NCOA1: variants seen among roughly 807,000 people sequenced by gnomAD.
The protein encoded by NCOA1 is Hin-2 protein.
In NCOA1, 35 loss-of-function variants were observed where a neutral mutation model predicts 150.9. The ratio of observed to expected loss-of-function variants is 0.23; its 90% confidence interval spans 0.18 to 0.31. The LOEUF (loss-of-function observed/expected upper bound fraction) is 0.31. Among genes scored for constraint, NCOA1 ranks in the 10% least tolerant of loss-of-function variants. The pLI, the probability that NCOA1 is intolerant of heterozygous loss-of-function variation, is 1.00. For synonymous variants in NCOA1, 590 were observed against 630.0 expected (o/e 0.94, Z 0.95); for missense variants, 1,491 against 1,749.3 (o/e 0.85, Z 2.63).
intron 3 of NCOA1, among the ~76,000 whole-genome samples, chr2:24,627,508 A>G (rs946431317): frequency 3.3e-5 from 5 of 152,254 alleles, no homozygotes; most frequent in East Asian, 1.9e-4. Flanking sequence ...GAACCTGCAC[A>G]TAGAAAAAAT....
chr2:24,711,252 T>C (rs1206735928), intron 14 of NCOA1, 141 bp downstream of exon 14: 3 of 789,778 alleles, frequency 3.8e-6, no homozygotes, highest in Non-Finnish European at 5.6e-6. Flanking sequence ...AATAAAACAG[T>C]TATATTTAGG....
chr2:24,710,943 C>CTTGACCAGT lies in NCOA1; in HGVS notation c.2436_2444dup (p.Phe814_Gln816dup). 1 of 1,613,672 alleles carries CTTGACCAGT rather than the reference C, an allele frequency of 6.2e-7. No individual in the cohort carries two copies. Among genetic ancestry groups the CTTGACCAGT allele is most frequent in the East Asian group, 2.2e-5 (1 of 44,852 alleles). Reference sequence around the variant, plus strand: ...TTTCCATTCTTAGTTTACAGCTGACCTTGACCAGTTTGATCAGTTACTGCC... The same window carrying CTTGACCAGT: ...TTTCCATTCTTAGTTTACAGCTGACCTTGACCAGTTTGACCAGTTTGATCAGTTACTGCC... On this transcript the variant is annotated inframe_insertion, in exon 14 of 23. Transcript: ENST00000348332.
At chr2:24,568,693 T>A (rs1481654907) in intron 2 of NCOA1, among the ~76,000 whole-genome samples, 1 of 152,244 alleles carries the variant, frequency 6.6e-6, no homozygotes, top group Non-Finnish European at 1.5e-5. Flanking sequence ...GAGAAGCTTG[T>A]AAAACCAGTT....
intron 1 of NCOA1, among the ~76,000 whole-genome samples, 56 bp downstream of exon 1, chr2:24,491,658 G>A (rs1662964135): frequency 6.7e-6 from 1 of 150,288 alleles, no homozygotes; most frequent in South Asian, 2.1e-4. Context: ...GTCACGAGCC[G>A]CGCGGCCGCG....
At chr2:24,584,952 G>T (rs1490759457) in intron 3 of NCOA1, among the ~76,000 whole-genome samples, 1 of 152,168 alleles carries the variant, frequency 6.6e-6, no homozygotes, top group African/African-American at 2.4e-5. Flanking sequence ...GTTCAAAATG[G>T]TATGTGACTT....
intron 22 of NCOA1, among the ~76,000 whole-genome samples, chr2:24,765,091 C>T (rs968229378): frequency 1.4e-5 from 2 of 147,626 alleles, no homozygotes; most frequent in South Asian, 2.2e-4. Flanking sequence ...ACAGGAGAAT[C>T]GCTTGAACCC....
At chr2:24,565,257 G>T (rs1447121483) in intron 2 of NCOA1, among the ~76,000 whole-genome samples, 1 of 152,162 alleles carries the variant, frequency 6.6e-6, no homozygotes, top group African/African-American at 2.4e-5. Context: ...TTCCAAACAG[G>T]TAGAGTGAGT....
chr2:24,739,486 G>A lies in NCOA1; in HGVS notation c.3256G>A (p.Val1086Ile). Residue 1086 changes from valine to isoleucine, a missense_variant, in exon 18 of 23, where the codon GTT becomes ATT. This residue lies in a region of NCOA1 where 485 missense variants were observed against 522.8 expected (regional missense o/e 0.93). Coordinates refer to ENST00000348332, the MANE Select transcript of NCOA1 (RefSeq NM_003743.5). ...AAACCAGTTTGCAGCAACTGCTCCT[G>A]TTGGCATCAATATGAGATCAGGCAT... ...ILNQFAATAP[V>I]GINMRSGMQQ... 1 of 1,613,932 alleles carries A rather than the reference G, an allele frequency of 6.2e-7. No homozygotes were observed. The highest frequency in any genetic ancestry group is 8.5e-7 in the Non-Finnish European group (1 of 1,179,854).
At chr2:24,584,101 C>T (rs1200185648) in intron 2 of NCOA1, among the ~76,000 whole-genome samples, 3 of 151,834 alleles carry the variant, frequency 2.0e-5, no homozygotes, top group Non-Finnish European at 4.4e-5. Context: ...ATGCCATTAC[C>T]CTGATTTGAT....
chr2:24,518,713 A>G (rs1664304487), intron 1 of NCOA1, among the ~76,000 whole-genome samples: 3 of 152,332 alleles, frequency 2.0e-5, no homozygotes, highest in Middle Eastern at 6.8e-3. Flanking sequence ...ATAAAAATTA[A>G]TGCCATGTAT....
intron 2 of NCOA1, among the ~76,000 whole-genome samples, chr2:24,573,359 A>G (rs2148286213): frequency 6.6e-6 from 1 of 152,184 alleles, no homozygotes; most frequent in South Asian, 2.1e-4. Flanking sequence ...GAGAATTTTT[A>G]ACATTTCTTG....
At chr2:24,648,166 A>G (rs1670559062) in intron 4 of NCOA1, among the ~76,000 whole-genome samples, 1 of 152,228 alleles carries the variant, frequency 6.6e-6, no homozygotes, top group South Asian at 2.1e-4. Context: ...GATATCAATA[A>G]AATATTGCCG....
chr2:24,715,005 G>A (rs773892925), intron 14 of NCOA1, among the ~76,000 whole-genome samples: 1 of 151,850 alleles, frequency 6.6e-6, no homozygotes, highest in Non-Finnish European at 1.5e-5. Flanking sequence ...ATGACACAGA[G>A]ATGAAAAAAG....
intron 8 of NCOA1, among the ~76,000 whole-genome samples, chr2:24,687,515 G>T (rs186969525): frequency 5.3e-5 from 8 of 152,162 alleles, no homozygotes; most frequent in Non-Finnish European, 1.0e-4. Context: ...CTGAGACTGG[G>T]GTAATTTATA....
intron 17 of NCOA1, 134 bp from the exon 18 acceptor site, chr2:24,739,298 A>T: frequency 1.6e-6 from 1 of 637,120 alleles, no homozygotes; most frequent in Non-Finnish European, 2.7e-6. Context: ...TTGGAAAATA[A>T]ACATAGGAAA....
rs1354904607 is a variant in NCOA1, at chr2:24,578,699, G to C, written c.-259-5777G>C. Among the ~76,000 whole-genome samples the C allele has an allele frequency of 3.3e-5, 5 of 152,218 alleles. No individual in the cohort carries two copies. The East Asian group carries it at 9.6e-4, about 29-fold the overall frequency. On this transcript the variant is annotated intron_variant, in intron 2 of 22. Coordinates refer to ENST00000348332, the MANE Select transcript of NCOA1 (RefSeq NM_003743.5). Reference sequence around the variant, plus strand: ...CTTTTGGAATTGGAATAACTCATTTGAGAGGTAGTATGGTAGTATATATCT... The same window carrying C: ...CTTTTGGAATTGGAATAACTCATTTCAGAGGTAGTATGGTAGTATATATCT...
intron 14 of NCOA1, among the ~76,000 whole-genome samples, chr2:24,724,722 G>A (rs1171319486): frequency 6.6e-6 from 1 of 151,734 alleles, no homozygotes; most frequent in African/African-American, 2.4e-5. Flanking sequence ...AGTAGACAGT[G>A]GACAGCCATG....
chr2:24,600,898 A>C (rs1044636906), intron 3 of NCOA1, among the ~76,000 whole-genome samples: 1 of 152,150 alleles, frequency 6.6e-6, no homozygotes, highest in Admixed American at 6.5e-5. Context: ...GTTCACCTCA[A>C]TATTCTGTAC....
chr2:24,515,406 A>G (rs1011449645), intron 1 of NCOA1, among the ~76,000 whole-genome samples: 1 of 151,818 alleles, frequency 6.6e-6, no homozygotes, highest in Non-Finnish European at 1.5e-5. Context: ...CTAATATTTT[A>G]AAACTTTTTT....
Sources: gnomAD v4.1 joint callset for allele counts (sites outside exome capture counted in the v4.1 genomes callset) on GRCh38, gnomAD v4.1.1 for gene constraint, gnomAD v4.1.1 regional missense constraint, MANE v1.5 for transcripts, NCBI Gene and HGNC (gene_info 2026-07-23, HGNC 2026-07-21) for gene names.